Variants in ZNF236 observed in about 807,000 individuals in gnomAD.
ZNF236 encodes the protein regulated by glucose.
In ZNF236, 50 loss-of-function variants were observed where a neutral mutation model predicts 191.2. The ratio of observed to expected loss-of-function variants is 0.26; its 90% CI spans 0.21 to 0.33. The LOEUF (loss-of-function observed/expected upper bound fraction) is 0.33, where lower values mean the gene tolerates loss of function less well. ZNF236 is among the 10% of genes least tolerant of loss of function. The pLI is 1.00. For synonymous variants in ZNF236, 907 were observed against 928.8 expected, an observed-to-expected ratio of 0.98 and a Z score of 0.43; for missense variants, 1,754 against 2,374.5, an observed-to-expected ratio of 0.74 and a Z score of 5.43.
chr18:76,927,625 A>G lies in ZNF236; in HGVS notation c.4414+108A>G. On this transcript the variant is annotated intron_variant, in intron 24 of 30. Coordinates refer to ENST00000320610, the MANE Select transcript of ZNF236 (RefSeq NM_001306089.2). This position sits in a 1 kb window ranked among gnomAD's most constrained non-coding sequence, Gnocchi z 5.4. Reference sequence around the variant, plus strand: ...TATGATGTCATTTTCTTCTCTTTGTAGAAGAGAATAAATCAAATGTCCTGA... The same window carrying G: ...TATGATGTCATTTTCTTCTCTTTGTGGAAGAGAATAAATCAAATGTCCTGA... The G allele has an allele frequency of 7.3e-7, 1 of 1,377,332 alleles. No homozygotes were observed. Among genetic ancestry groups the G allele is most frequent in the East Asian group, 2.4e-5 (1 of 42,134 alleles). The allele number at this position is 1,377,332 out of a possible 1,614,324, so 85.3% of individuals were successfully genotyped here.
intron 10 of ZNF236, 80 bp downstream of exon 10, chr18:76,895,365 G>A: frequency 3.9e-6 from 6 of 1,552,274 alleles, no homozygotes; most frequent in Non-Finnish European, 5.2e-6. Flanking sequence ...CCAAACACAG[G>A]TATGGCACAC....
At chr18:76,879,112 C>T (rs74898443) in intron 7 of ZNF236, among the ~76,000 whole-genome samples, 1,796 of 151,970 alleles carry the variant, frequency 0.012, 30 homozygotes, top group African/African-American at 0.04. Flanking sequence ...GTAAATCAAC[C>T]GAGTATTAGT....
At chr18:76,902,628 A>G (rs745829029) in intron 11 of ZNF236, among the ~76,000 whole-genome samples, 3 of 151,818 alleles carry the variant, frequency 2.0e-5, no homozygotes, top group Admixed American at 6.6e-5. Context: ...CTGGAGTGCA[A>G]TGGTACGATC....
intron 5 of ZNF236, among the ~76,000 whole-genome samples, chr18:76,873,907 C>T (rs187130751): frequency 2.0e-5 from 3 of 151,274 alleles, no homozygotes; most frequent in African/African-American, 4.9e-5. Context: ...TGTCCCCATG[C>T]GGGCAGAGCC....
chr18:76,840,822 C>CTT (rs1223768202), intron 1 of ZNF236: 5 of 65,704 alleles, frequency 7.6e-5, no homozygotes, highest in South Asian at 5.1e-4. Flanking sequence ...TTCTTTCTTT[C>CTT]TTTTTTTTTT....
At chr18:76,921,734 GTTC>G (rs1967540789) in intron 20 of ZNF236, among the ~76,000 whole-genome samples, 1 of 89,100 alleles carries the variant, frequency 1.1e-5, no homozygotes, top group Non-Finnish European at 2.3e-5. Context: ...AGAGTGGGAT[GTTC>G]TTTTTTTTTT....
chr18:76,951,520 A>G (rs1405584973), intron 27 of ZNF236, among the ~76,000 whole-genome samples: 1 of 152,222 alleles, frequency 6.6e-6, no homozygotes, highest in Admixed American at 6.5e-5. Flanking sequence ...CTCGGCCTTC[A>G]TAACATGGAA....
In ZNF236 at chr18:76,915,854, G is replaced by A. The variant is rs375566713; in HGVS notation, c.3269G>A (p.Gly1090Glu). The change falls in exon 19 of 31, where the codon GGA becomes GAA. Residue 1090 changes from glycine (G) to glutamate (E), a missense_variant. Around this residue, in one of 5 missense-constraint regions of ZNF236, gnomAD observed 641 missense variants for 869.6 expected, o/e 0.74. Transcript: ENST00000320610. ...SAVSATGETE[G>E]GDICMEEEEE... ...GTGTCAGCCACTGGAGAGACAGAAGGAGGAGGTATTTTCCATTTGTTGATT... is the reference window on the plus strand; with the variant it reads ...GTGTCAGCCACTGGAGAGACAGAAGAAGGAGGTATTTTCCATTTGTTGATT... 8.2e-5 allele frequency: 132 copies of A among 1,611,482 alleles called. No individual in the cohort carries two copies. The highest frequency in any genetic ancestry group is 1.1e-4 in the Non-Finnish European group (126 of 1,177,768).
intron 3 of ZNF236, among the ~76,000 whole-genome samples, chr18:76,861,192 G>C (rs1282163495): frequency 3.3e-5 from 5 of 152,318 alleles, no homozygotes; most frequent in South Asian, 2.1e-4. Flanking sequence ...GCTTAGGTCA[G>C]AGTTTGTGAC....
At chr18:76,890,766 G>T (rs914528053) in intron 9 of ZNF236, among the ~76,000 whole-genome samples, 1 of 152,074 alleles carries the variant, frequency 6.6e-6, no homozygotes, top group Admixed American at 6.5e-5. Flanking sequence ...TGGTATTAAA[G>T]ATGATAGCAT....
In ZNF236 at chr18:76,935,000, A is replaced by G. The variant is rs113458128; in HGVS notation, c.4595-2156A>G. Among the ~76,000 whole-genome samples, 142 of 152,360 alleles carry G rather than the reference A, an allele frequency of 9.3e-4. 3 individuals are homozygous for G. Among genetic ancestry groups the G allele is most frequent in the African/African-American group, 3.3e-3 (138 of 41,582 alleles). ...CATAAAGTCAGACTTGTATTGCTCT[A>G]TACATGCTGGAGGAACAGTGGTTTC... On this transcript the variant is annotated intron_variant, in intron 25 of 30. Transcript: ENST00000320610.
Position 76,925,042 on chromosome 18 carries a change from A to T in ZNF236, c.3662-147A>T. 1 of 1,246,038 alleles carries T rather than the reference A, an allele frequency of 8.0e-7. No individual in the cohort carries two copies. The highest frequency in any genetic ancestry group is 1.1e-6 in the Non-Finnish European group (1 of 902,486). The allele number at this position is 1,246,038 out of a possible 1,614,324, so 77.2% of individuals were successfully genotyped here. A position where few individuals can be genotyped will look rare whatever the true frequency, so the allele number is the denominator to read the frequency against. On this transcript the variant is annotated intron_variant, in intron 21 of 30. Transcript: ENST00000320610. This position sits in a 1 kb window ranked among gnomAD's most constrained non-coding sequence, Gnocchi z 5.7. ...TGCAGCAATTGCCTGTGACGTCCGT[A>T]ACATCTTATAGGTGAAAGGGATTCT...
chr18:76,920,925 G>T (rs1040504041), intron 20 of ZNF236, among the ~76,000 whole-genome samples: 2 of 152,206 alleles, frequency 1.3e-5, no homozygotes, highest in African/African-American at 4.8e-5. Context: ...GCGTTCTCCT[G>T]AAGAATCAGA....
At chr18:76,935,253 T>A (rs1967961049) in intron 25 of ZNF236, among the ~76,000 whole-genome samples, 1 of 152,260 alleles carries the variant, frequency 6.6e-6, no homozygotes, top group South Asian at 2.1e-4. Context: ...ACAGTTCTAC[T>A]GGAACCGGTA....
chr18:76,910,135 G>C lies in ZNF236; in HGVS notation c.2619G>C (p.Ala873=), dbSNP rs753514687. Residue 873 remains alanine, a synonymous_variant, in exon 15 of 31, where the codon GCG becomes GCC. Coordinates refer to ENST00000320610, the MANE Select transcript of ZNF236 (RefSeq NM_001306089.2). ...HVDQFEEQSP[A]QQSFEPAGLP... Reference sequence around the variant, plus strand: ...ACCAGTTTGAAGAGCAGAGCCCTGCGCAACAGTCCTTCGAACCAGCAGGGC... The same window carrying C: ...ACCAGTTTGAAGAGCAGAGCCCTGCCCAACAGTCCTTCGAACCAGCAGGGC... 1.9e-6 allele frequency: 3 copies of C among 1,613,334 alleles called. No individual in the cohort carries two copies. The highest frequency in any genetic ancestry group is 2.7e-5 in the African/African-American group (2 of 75,030).
At chr18:76,850,799 C>T (rs987865805) in intron 2 of ZNF236, among the ~76,000 whole-genome samples, 1 of 151,810 alleles carries the variant, frequency 6.6e-6, no homozygotes, top group South Asian at 2.1e-4. Context: ...GATGGGCTTT[C>T]GCCATGTTGG....
At chr18:76,857,883 G>A (rs1489154302) in intron 3 of ZNF236, among the ~76,000 whole-genome samples, 1 of 152,156 alleles carries the variant, frequency 6.6e-6, no homozygotes, top group Admixed American at 6.5e-5. Flanking sequence ...AACTGATCAT[G>A]TTTATAATGT....
At chr18:76,920,107 G>A in intron 20 of ZNF236, 49 bp downstream of exon 20, 1 of 1,560,134 alleles carries the variant, frequency 6.4e-7, no homozygotes. Context: ...GACTGGAGGT[G>A]CAGGCAGCTG....
chr18:76,848,619 A>G (rs1322746338), intron 1 of ZNF236, among the ~76,000 whole-genome samples: 2 of 152,192 alleles, frequency 1.3e-5, no homozygotes, highest in Non-Finnish European at 1.5e-5. Context: ...GAGGCATTGC[A>G]GTCTTGTCTT....
Sources: gnomAD v4.1 joint callset for allele counts (sites outside exome capture counted in the v4.1 genomes callset) on GRCh38, gnomAD v4.1.1 for gene constraint, gnomAD v4.1.1 regional missense constraint, Gnocchi (gnomAD v3.1) non-coding constraint, MANE v1.5 for transcripts, NCBI Gene and HGNC (gene_info 2026-07-23, HGNC 2026-07-21) for gene names.